Variants in NRXN3 observed in about 807,000 individuals in gnomAD.
The protein encoded by NRXN3 is neurexin III.
NRXN3 carries 32 observed loss-of-function variants against 137.6 expected under a neutral mutation model. The observed-to-expected ratio is 0.23, with a 90% CI of 0.18 to 0.31. The LOEUF (loss-of-function observed/expected upper bound fraction) is 0.31. Ranked by LOEUF, NRXN3 falls within the 10% of genes least tolerant of loss-of-function variation. NRXN3 has a pLI of 1.00. For missense variants in NRXN3, 1,574 were observed against 2,062.5 expected (o/e 0.76, Z 4.59); for synonymous variants, 798 against 784.5 (o/e 1.02, Z -0.29).
At chr14:78,316,570 A>G in intron 4 of NRXN3, among the ~76,000 whole-genome samples, 1 of 152,102 alleles carries the variant, frequency 6.6e-6, no homozygotes, top group East Asian at 1.9e-4. Context: ...GGGAGCTGGG[A>G]GGGCCTAATA....
intron 6 of NRXN3, among the ~76,000 whole-genome samples, chr14:78,655,170 A>T (rs1189510424): frequency 6.6e-6 from 1 of 152,184 alleles, no homozygotes; most frequent in Non-Finnish European, 1.5e-5. Flanking sequence ...AAGACCACTG[A>T]TCTTACTCCA....
At chr14:78,385,356 T>C (rs1396040402) in intron 4 of NRXN3, among the ~76,000 whole-genome samples, 1 of 150,188 alleles carries the variant, frequency 6.7e-6, no homozygotes, top group African/African-American at 2.4e-5. Context: ...TTCCTAATCA[T>C]AAAAAATTAT....
chr14:78,454,490 A>ATGATATTT (rs2094632932), intron 4 of NRXN3, among the ~76,000 whole-genome samples: 1 of 152,196 alleles, frequency 6.6e-6, no homozygotes, highest in South Asian at 2.1e-4. Flanking sequence ...TGGAATGGTA[A>ATGATATTT]TGATATTTTT....
At chr14:78,583,081 C>T (rs758516496) in intron 4 of NRXN3, among the ~76,000 whole-genome samples, 1 of 152,140 alleles carries the variant, frequency 6.6e-6, no homozygotes, top group Non-Finnish European at 1.5e-5. Context: ...TACTAACATT[C>T]ACACAGGCAA....
chr14:79,511,550 T>G (rs2018919), intron 16 of NRXN3, among the ~76,000 whole-genome samples: 12,065 of 152,252 alleles, frequency 0.079, 1,078 homozygotes, highest in African/African-American at 0.21. Context: ...AGCCTAGATT[T>G]TCTTTGTATT....
At chr14:79,375,652 G>C (rs768021327) in intron 15 of NRXN3, among the ~76,000 whole-genome samples, 1 of 151,992 alleles carries the variant, frequency 6.6e-6, no homozygotes, top group African/African-American at 2.4e-5. Context: ...GAAAAATACT[G>C]CTTAAATATT....
At chr14:78,261,741 T>C (rs1043012364) in intron 2 of NRXN3, among the ~76,000 whole-genome samples, 2 of 152,164 alleles carry the variant, frequency 1.3e-5, no homozygotes, top group African/African-American at 4.8e-5. Context: ...CAAGGTGACT[T>C]ACAATGGGCC....
intron 7 of NRXN3, among the ~76,000 whole-genome samples, chr14:78,712,432 A>G (rs147236013): frequency 6.6e-6 from 1 of 152,358 alleles, no homozygotes; most frequent in African/African-American, 2.4e-5. Context: ...AAGGCAAAGC[A>G]TATTTCTCTA....
chr14:78,811,268 C>T (rs1314547334), intron 10 of NRXN3, among the ~76,000 whole-genome samples: 1 of 152,072 alleles, frequency 6.6e-6, no homozygotes, highest in Non-Finnish European at 1.5e-5. Context: ...GTCAGTTTTC[C>T]CAGACAGCTC....
intron 10 of NRXN3, among the ~76,000 whole-genome samples, chr14:78,858,031 G>A (rs2099062238): frequency 6.6e-6 from 1 of 152,138 alleles, no homozygotes; most frequent in South Asian, 2.1e-4. Context: ...GTGAAAAGAA[G>A]GTACACTTAC....
chr14:79,460,352 A>G (rs1392165204), intron 15 of NRXN3, among the ~76,000 whole-genome samples: 9 of 152,184 alleles, frequency 5.9e-5, no homozygotes, highest in Admixed American at 5.9e-4. Flanking sequence ...GCTCTCTTCC[A>G]TGGTATTTAC....
chr14:79,652,699 G>T (rs1477240731), intron 16 of NRXN3, among the ~76,000 whole-genome samples: 1 of 152,012 alleles, frequency 6.6e-6, no homozygotes, highest in Admixed American at 6.6e-5. Context: ...TCCAGTGTCT[G>T]CTTGGGGTCA....
intron 1 of NRXN3, among the ~76,000 whole-genome samples, chr14:78,214,500 G>A (rs968989751): frequency 2.0e-5 from 3 of 151,994 alleles, no homozygotes; most frequent in Admixed American, 6.5e-5. Context: ...CAAGGGCAGG[G>A]GCTACCTCTG....
At chr14:78,826,525 G>A (rs1331810222) in intron 10 of NRXN3, among the ~76,000 whole-genome samples, 2 of 152,178 alleles carry the variant, frequency 1.3e-5, no homozygotes, top group Non-Finnish European at 2.9e-5. Context: ...TGACTAGAAA[G>A]CATTAAGCCC....
chr14:79,289,312 C>T (rs2082777745), intron 15 of NRXN3, among the ~76,000 whole-genome samples: 1 of 152,180 alleles, frequency 6.6e-6, no homozygotes, highest in African/African-American at 2.4e-5. Flanking sequence ...GTTGGACTTG[C>T]CAGGCCTTCC....
chr14:79,161,792 C>A (rs942910135), intron 15 of NRXN3, among the ~76,000 whole-genome samples: 1 of 151,820 alleles, frequency 6.6e-6, no homozygotes, highest in Admixed American at 6.6e-5. Flanking sequence ...TCGTCCTGAA[C>A]GGGTCATGCT....
Position 78,888,392 on chromosome 14 carries a change from C to CCTTTTTTTTTTTATTTTTTA in NRXN3, c.2276-68850_2276-68849insCTTTTTTTTTTTATTTTTTA, listed in dbSNP as rs752804910. On this transcript the variant is annotated intron_variant, in intron 10 of 20. Coordinates refer to ENST00000335750, the MANE Select transcript of NRXN3 (RefSeq NM_001330195.2). ...AAGAGTTGTGAAGGGCAGACATTAA[C>CCTTTTTTTTTTTATTTTTTA]TGCTTATTTAAGACATAATACCTGT... Among the ~76,000 whole-genome samples the CCTTTTTTTTTTTATTTTTTA allele has an allele frequency of 5.8e-3, 889 of 152,182 alleles. 12 individuals are homozygous for CCTTTTTTTTTTTATTTTTTA. Among genetic ancestry groups the CCTTTTTTTTTTTATTTTTTA allele is most frequent in the Non-Finnish European group, 7.4e-3 (500 of 67,986 alleles).
intron 15 of NRXN3, among the ~76,000 whole-genome samples, chr14:79,452,705 C>T (rs2153588740): frequency 6.6e-6 from 1 of 152,176 alleles, no homozygotes; most frequent in Non-Finnish European, 1.5e-5. Flanking sequence ...TGAGATGAGA[C>T]AGAGAAATTG....
chr14:79,131,462 T>TG (rs560735458), intron 15 of NRXN3, among the ~76,000 whole-genome samples: 223 of 152,268 alleles, frequency 1.5e-3, no homozygotes, highest in Non-Finnish European at 2.7e-3. Context: ...CTGCCCCTGC[T>TG]GGGGGGTGCC....
Sources: gnomAD v4.1 joint callset for allele counts (sites outside exome capture counted in the v4.1 genomes callset) on GRCh38, gnomAD v4.1.1 for gene constraint, MANE v1.5 for transcripts, NCBI Gene and HGNC (gene_info 2026-07-23, HGNC 2026-07-21) for gene names.